OSBPL9: variants seen among roughly 807,000 people sequenced by gnomAD.
OSBPL9 encodes the protein oxysterol-binding protein-related protein 9.
A neutral mutation model predicts 106.6 loss-of-function variants in OSBPL9; 40 were observed. The observed-to-expected ratio is 0.38, with a 90% confidence interval of 0.29 to 0.49. The LOEUF (loss-of-function observed/expected upper bound fraction) is 0.49. Ranked by LOEUF, OSBPL9 falls within the 20% of genes least tolerant of loss-of-function variation. The probability of loss-of-function intolerance (pLI) is 0.97; values close to 1 mark genes in which losing one functional copy is unlikely to be tolerated. For missense variants in OSBPL9, 609 were observed against 887.2 expected (o/e 0.69, Z 3.98); for synonymous variants, 269 against 295.4 (o/e 0.91, Z 0.92).
chr1:51,713,967 A>G lies in OSBPL9; in HGVS notation c.242-36A>G, dbSNP rs1239852030. ...AAATATGGAGATATATTATAGAATTAAACTTTTAATTTTAATGTATAATCT... is the reference window on the plus strand; with the variant it reads ...AAATATGGAGATATATTATAGAATTGAACTTTTAATTTTAATGTATAATCT... On this transcript the variant is annotated intron_variant, in intron 3 of 23. Coordinates refer to ENST00000428468, the MANE Select transcript of OSBPL9 (RefSeq NM_024586.6). 2.0e-6 allele frequency: 3 copies of G among 1,504,672 alleles called. No individual in the cohort carries two copies. In the South Asian group the frequency reaches 3.7e-5, roughly 18 times the overall value. The allele number at this position is 1,504,672 out of a possible 1,614,324, so 93.2% of individuals were successfully genotyped here.
rs548468490 is a variant in OSBPL9, at chr1:51,587,854, G to A, written c.-422-10270G>A. On this transcript the variant is annotated intron_variant, in intron 1 of 25. Transcript: ENST00000371714. ...CCCCTCTACCCTTCAACCTAAGGTA[G>A]TGAGGCTTCCGCCTCACCACTCCAC... 7.9e-5 allele frequency among the ~76,000 whole-genome samples: 12 copies of A among 152,286 alleles called. No homozygotes were observed. The East Asian group carries it at 2.3e-3, about 29-fold the overall frequency.
chr1:51,616,002 G>GGTTTTTT (rs1644045339), upstream of OSBPL9, among the ~76,000 whole-genome samples: 19 of 130,412 alleles, frequency 1.5e-4, no homozygotes, highest in African/African-American at 5.9e-4. Context: ...TAAATCCTTT[G>GGTTTTTT]GTTTTTTTTT....
At chr1:51,679,548 T>C (rs1652046897) in intron 3 of OSBPL9, among the ~76,000 whole-genome samples, 1 of 152,242 alleles carries the variant, frequency 6.6e-6, no homozygotes, top group African/African-American at 2.4e-5. Context: ...CAGTTTCAGT[T>C]ACCTGTGGTC....
intron 3 of OSBPL9, chr1:51,707,201 A>AT: frequency 2.6e-6 from 1 of 381,672 alleles, no homozygotes; most frequent in Non-Finnish European, 5.3e-6. Context: ...ATTCATTTTC[A>AT]TTGTCATACC....
chr1:51,611,723 C>G (rs1431291326), intron 2 of OSBPL9, among the ~76,000 whole-genome samples: 1 of 152,194 alleles, frequency 6.6e-6, no homozygotes, highest in East Asian at 1.9e-4. Context: ...TGTAATCCCA[C>G]ACTCTGGAAG....
chr1:51,746,724 G>A lies in OSBPL9; in HGVS notation c.429G>A (p.Lys143=), dbSNP rs1319516506. Residue 143 remains lysine, a synonymous_variant, in exon 6 of 24, where the codon AAG becomes AAA. Coordinates refer to ENST00000428468, the MANE Select transcript of OSBPL9 (RefSeq NM_024586.6). ...AAATCTTGTAGCTTTTTGATGACAA[G>A]CTTCAAAACTGCAAAGAAGATGAAC... ...LIEQLKLFDD[K]LQNCKEDEQR... is the part of the protein sequence containing the mutation. 2 of 1,608,960 alleles carry A rather than the reference G, an allele frequency of 1.2e-6. No individual in the cohort carries two copies. Among genetic ancestry groups the A allele is most frequent in the East Asian group, 2.2e-5 (1 of 44,696 alleles).
At chr1:51,649,926 G>C (rs1646410640) in intron 1 of OSBPL9, among the ~76,000 whole-genome samples, 1 of 151,982 alleles carries the variant, frequency 6.6e-6, no homozygotes, top group East Asian at 1.9e-4. Flanking sequence ...CCAGGCTAGA[G>C]TGCAGGGGTG....
At chr1:51,669,592 C>A in intron 3 of OSBPL9, 80 bp downstream of exon 3, 1 of 1,402,692 alleles carries the variant, frequency 7.1e-7, no homozygotes, top group Non-Finnish European at 1.0e-6. Context: ...TGCTGGATGA[C>A]TTGAATGGTT....
intron 2 of OSBPL9, among the ~76,000 whole-genome samples, chr1:51,668,340 G>A (rs1472409066): frequency 6.6e-6 from 1 of 152,128 alleles, no homozygotes; most frequent in Non-Finnish European, 1.5e-5. Flanking sequence ...AAGAAAAGGG[G>A]GCCAGGTGTG....
intron 1 of OSBPL9, among the ~76,000 whole-genome samples, chr1:51,645,451 C>T (rs1371831377): frequency 6.6e-6 from 1 of 151,522 alleles, no homozygotes; most frequent in Non-Finnish European, 1.5e-5. Flanking sequence ...TTTGTCTTTT[C>T]ACTTTCTTGG....
intron 1 of OSBPL9, 64 bp downstream of exon 1, chr1:51,617,285 G>T: frequency 2.0e-6 from 3 of 1,504,002 alleles, no homozygotes; most frequent in East Asian, 2.4e-5. Flanking sequence ...GGAGGTGGGG[G>T]ACCGGGGTTT....
intron 3 of OSBPL9, among the ~76,000 whole-genome samples, chr1:51,684,929 T>G (rs1274532604): frequency 6.6e-5 from 10 of 151,170 alleles, no homozygotes; most frequent in Non-Finnish European, 1.5e-4. Flanking sequence ...TTTTTTTTTT[T>G]GCAAGAGAAT....
At chr1:51,694,035 C>G (rs1190393492) in intron 3 of OSBPL9, among the ~76,000 whole-genome samples, 1 of 152,200 alleles carries the variant, frequency 6.6e-6, no homozygotes, top group African/African-American at 2.4e-5. Context: ...AGTAAGATAT[C>G]ACATGTATTA....
chr1:51,720,432 TCTC>T (rs1174382388), intron 4 of OSBPL9, among the ~76,000 whole-genome samples: 1 of 151,622 alleles, frequency 6.6e-6, no homozygotes, highest in East Asian at 1.9e-4. Flanking sequence ...TTCAAGCAAT[TCTC>T]CTGCCTCAGC....
intron 1 of OSBPL9, among the ~76,000 whole-genome samples, chr1:51,628,182 CTG>C (rs1644884910): frequency 6.6e-6 from 1 of 151,844 alleles, no homozygotes; most frequent in Non-Finnish European, 1.5e-5. Flanking sequence ...TCCTACTTAT[CTG>C]TGTTTTGGAG....
chr1:51,652,142 A>AT, intron 2 of OSBPL9, 101 bp downstream of exon 2: 1 of 840,272 alleles, frequency 1.2e-6, no homozygotes, highest in Non-Finnish European at 1.8e-6. Context: ...TCCTTACATA[A>AT]TTGTTGGGGC....
In OSBPL9 at chr1:51,781,199, T is replaced by A; in HGVS notation, c.1292T>A (p.Val431Asp). The A allele has an allele frequency of 1.2e-6, 2 of 1,614,000 alleles. No homozygotes were observed. Among genetic ancestry groups the A allele is most frequent in the Non-Finnish European group, 1.7e-6 (2 of 1,179,976 alleles). Reference protein sequence around the residue: ...SDQKDPKDRMVQVVKWYLSAF... With the variant: ...SDQKDPKDRMDQVVKWYLSAF... ...CAGAAGGATCCCAAGGATCGAATGGTTCAGGTTGTGAAATGGTACCTCTCA... is the reference window on the plus strand; with the variant it reads ...CAGAAGGATCCCAAGGATCGAATGGATCAGGTTGTGAAATGGTACCTCTCA... The change falls in exon 16 of 24, where the codon GTT becomes GAT. Residue 431 changes from valine (V) to aspartate (D), a missense_variant. Around this residue, in one of 5 missense-constraint regions of OSBPL9, gnomAD observed 356 missense variants for 505.8 expected, o/e 0.70. Transcript: ENST00000428468.
chr1:51,685,665 C>T (rs1297434214), intron 3 of OSBPL9, among the ~76,000 whole-genome samples: 4 of 152,012 alleles, frequency 2.6e-5, no homozygotes, highest in African/African-American at 7.2e-5. Flanking sequence ...CCCAAAGTGC[C>T]GGGATTACAG....
intron 1 of OSBPL9, among the ~76,000 whole-genome samples, chr1:51,622,254 G>A (rs1305140926): frequency 6.6e-6 from 1 of 152,102 alleles, no homozygotes; most frequent in African/African-American, 2.4e-5. Context: ...TGGAGCTTGG[G>A]ACAAAAATCT....
Sources: gnomAD v4.1 joint callset for allele counts (sites outside exome capture counted in the v4.1 genomes callset) on GRCh38, gnomAD v4.1.1 for gene constraint, gnomAD v4.1.1 regional missense constraint, MANE v1.5 for transcripts, NCBI Gene and HGNC (gene_info 2026-07-23, HGNC 2026-07-21) for gene names.